Variants in TFCP2 observed in about 807,000 individuals in gnomAD.
TFCP2 encodes the protein transcription factor CP2.
Under a neutral mutation model 73.4 loss-of-function variants are expected in TFCP2, and 33 were observed. That is an observed-to-expected ratio of 0.45 (90% CI 0.34 to 0.60). The LOEUF is 0.60. Among genes scored for constraint, TFCP2 ranks in the 20% least tolerant of loss-of-function variants. The pLI is 0.01. For missense variants in TFCP2, 352 were observed against 604.0 expected (o/e 0.58, Z 4.37); for synonymous variants, 193 against 211.6 (o/e 0.91, Z 0.76).
chr12:51,137,611 A>G (rs1371146260), intron 1 of TFCP2, among the ~76,000 whole-genome samples: 1 of 152,198 alleles, frequency 6.6e-6, no homozygotes, highest in Non-Finnish European at 1.5e-5. Context: ...CTGTGGCATC[A>G]TTAGTACTAG....
At chr12:51,122,493 A>C (rs1940708831) in intron 1 of TFCP2, among the ~76,000 whole-genome samples, 2 of 152,082 alleles carry the variant, frequency 1.3e-5, no homozygotes, top group Admixed American at 1.3e-4. Flanking sequence ...TCCTGACCTC[A>C]GGTAATCTGC....
chr12:51,119,933 C>T (rs1226410578), intron 1 of TFCP2, among the ~76,000 whole-genome samples: 1 of 151,152 alleles, frequency 6.6e-6, no homozygotes, highest in Non-Finnish European at 1.5e-5. Flanking sequence ...AATCCCAGCA[C>T]TTCGGGAGGC....
chr12:51,096,082 C>CA, intron 13 of TFCP2, 42 bp from the exon 14 acceptor site: 1 of 1,553,692 alleles, frequency 6.4e-7, no homozygotes, highest in Non-Finnish European at 8.9e-7. Flanking sequence ...AAATGAAAAA[C>CA]AACCCCTTTA....
intron 1 of TFCP2, among the ~76,000 whole-genome samples, chr12:51,170,840 G>A (rs772755009): frequency 6.6e-6 from 1 of 152,024 alleles, no homozygotes; most frequent in South Asian, 2.1e-4. Context: ...CACCACACCC[G>A]TCTAATTTTT....
chr12:51,131,288 T>A (rs1940939078), intron 1 of TFCP2, among the ~76,000 whole-genome samples: 1 of 144,434 alleles, frequency 6.9e-6, no homozygotes, highest in African/African-American at 2.6e-5. Flanking sequence ...TGAGCCAAGA[T>A]CGCACCACTG....
rs1188690891 is a variant in TFCP2 at position 51,124,953 on chromosome 12, A to G, written c.123-6181T>C. 8 of 759,140 alleles carry G rather than the reference A, an allele frequency of 1.1e-5. No individual in the cohort carries two copies. The Admixed American group carries it at 1.4e-4, about 13-fold the overall frequency. 47.0% of individuals were successfully genotyped at this position (759,140 alleles called of 1,614,324 possible). A position where few individuals can be genotyped will look rare whatever the true frequency, so the allele number is the denominator to read the frequency against. On this transcript the variant is annotated intron_variant, in intron 1 of 14. Coordinates refer to ENST00000257915, the MANE Select transcript of TFCP2 (RefSeq NM_005653.5). ...CCCAAATGTGGCTGCTTGCTCCGTA[A>G]GGTCGTTGCTCACCTGCCTGGAGAC... is the stretch of plus-strand genomic sequence containing the variant.
chr12:51,105,116 C>A (rs187884994), intron 8 of TFCP2, among the ~76,000 whole-genome samples: 1 of 150,002 alleles, frequency 6.7e-6, no homozygotes, highest in African/African-American at 2.4e-5. Context: ...TTTTTTGAGA[C>A]GGAGTTTCAC....
At chr12:51,102,979 C>T (rs1347678787) in intron 10 of TFCP2, among the ~76,000 whole-genome samples, 1 of 151,382 alleles carries the variant, frequency 6.6e-6, no homozygotes, top group East Asian at 1.9e-4. Flanking sequence ...TGTATTCCTA[C>T]CACATCAAAA....
chr12:51,163,930 T>C (rs933292558), intron 1 of TFCP2, among the ~76,000 whole-genome samples: 11 of 151,884 alleles, frequency 7.2e-5, no homozygotes, highest in Non-Finnish European at 1.2e-4. Flanking sequence ...ATAAGGCAGG[T>C]GCAGTACCTC....
rs575741134 is a variant in TFCP2 at position 51,171,667 on chromosome 12, C to G, written c.122+634G>C. On this transcript the variant is annotated intron_variant, in intron 1 of 14. Transcript: ENST00000257915. Reference sequence around the variant, plus strand: ...CGCTGGGATTACAGGCGTGAGCCACCGCACCCGGCCGAAAGGAGATTTTTC... The same window carrying G: ...CGCTGGGATTACAGGCGTGAGCCACGGCACCCGGCCGAAAGGAGATTTTTC... Among the ~76,000 whole-genome samples, 9 of 152,278 alleles carry G rather than the reference C, an allele frequency of 5.9e-5. No individual in the cohort carries two copies. In the East Asian group the frequency reaches 1.7e-3, roughly 29 times the overall value.
At chr12:51,123,767 TTC>T (rs1369998814) in intron 1 of TFCP2, among the ~76,000 whole-genome samples, 1 of 152,214 alleles carries the variant, frequency 6.6e-6, no homozygotes, top group African/African-American at 2.4e-5. Context: ...AAAGGAAGAC[TTC>T]TCTTTCCTGT....
At chr12:51,138,926 C>T (rs1293083925) in intron 1 of TFCP2, among the ~76,000 whole-genome samples, 2 of 152,130 alleles carry the variant, frequency 1.3e-5, no homozygotes, top group African/African-American at 4.8e-5. Flanking sequence ...GTGTGAGCCA[C>T]CATGCCCGGC....
rs1016239640 is a variant in TFCP2 at position 51,098,846 on chromosome 12, A to G, written c.1349T>C (p.Ile450Thr). The G allele has an allele frequency of 6.2e-6, 10 of 1,614,152 alleles. No individual in the cohort carries two copies. The highest frequency in any genetic ancestry group is 8.5e-6 in the Non-Finnish European group (10 of 1,180,038). Residue 450 changes from isoleucine to threonine, a missense_variant, in exon 13 of 15, where the codon ATT (isoleucine) becomes ACT (threonine). By Grantham distance (89) the Ile-to-Thr change is moderately conservative (BLOSUM62 -1). Around this residue, in one of 6 missense-constraint regions of TFCP2, gnomAD observed 194 missense variants for 256.3 expected, o/e 0.76. Transcript: ENST00000257915. ...LTEKIAQLFS[I>T]SPCQISQIYK... Reference sequence around the variant, plus strand: ...AATCTGGCTGATCTGGCAAGGGGAAATGCTGAAAAGCTGAGCAATTTTTTC... The same window carrying G: ...AATCTGGCTGATCTGGCAAGGGGAAGTGCTGAAAAGCTGAGCAATTTTTTC...
intron 1 of TFCP2, 99 bp from the exon 2 acceptor site, chr12:51,118,871 CA>C: frequency 7.4e-7 from 1 of 1,351,018 alleles, no homozygotes; most frequent in Non-Finnish European, 1.0e-6. Context: ...AAGCCATAAA[CA>C]TTACTCACCT....
chr12:51,100,402 C>G (rs1460146953), intron 11 of TFCP2, among the ~76,000 whole-genome samples: 1 of 152,114 alleles, frequency 6.6e-6, no homozygotes, highest in Non-Finnish European at 1.5e-5. Context: ...TTTCTAAACA[C>G]CCTTTAGATA....
chr12:51,102,920 C>T (rs1397834094), intron 10 of TFCP2, among the ~76,000 whole-genome samples: 2 of 148,526 alleles, frequency 1.3e-5, no homozygotes, highest in South Asian at 2.1e-4. Flanking sequence ...TTTTTGGATA[C>T]CAGATGATTA....
In TFCP2 at chr12:51,109,158, T is replaced by C. The variant is rs1259299971; in HGVS notation, c.680A>G (p.His227Arg). ...KENENGEYTE[H>R]LHSASCQIKV... ...GATCTGGCAGCTGGCCGAGTGTAAG[T>C]GCTCAGTATATTCCCCGTTTTCATT... Residue 227 changes from histidine (H) to arginine (R), a missense_variant, in exon 6 of 15, where the codon CAC (histidine) becomes CGC (arginine). Physicochemically the swap from His to Arg is conservative, Grantham distance 29. This residue lies in a region of TFCP2 where 47 missense variants were observed against 89.1 expected (regional missense o/e 0.53). Transcript: ENST00000257915. 1 of 1,614,208 alleles carries C rather than the reference T, an allele frequency of 6.2e-7. No individual in the cohort carries two copies. The highest frequency in any genetic ancestry group is 8.5e-7 in the Non-Finnish European group (1 of 1,180,030).
intron 1 of TFCP2, among the ~76,000 whole-genome samples, chr12:51,164,073 C>T (rs925347760): frequency 1.1e-4 from 16 of 151,878 alleles, no homozygotes; most frequent in African/African-American, 3.6e-4. Flanking sequence ...TTTGGTGATG[C>T]ATGCCTGTAG....
At chr12:51,141,996 A>T (rs1474440641) in intron 1 of TFCP2, among the ~76,000 whole-genome samples, 2 of 151,018 alleles carry the variant, frequency 1.3e-5, no homozygotes, top group South Asian at 2.1e-4. Flanking sequence ...CGAGGTCAGG[A>T]GTTTGAGACC....
Sources: allele counts gnomAD v4.1 joint callset (sites outside exome capture counted in the v4.1 genomes callset), GRCh38; gene constraint gnomAD v4.1.1; regional missense constraint gnomAD v4.1.1; transcripts MANE v1.5; gene names NCBI Gene and HGNC (gene_info 2026-07-23, HGNC 2026-07-21).